The following AK5 variants were observed in gnomAD, a reference collection of about 807,000 sequenced individuals.
AK5 encodes the protein adenylate kinase 5, also known as adenylate kinase isoenzyme 5.
Under a neutral mutation model 69.5 loss-of-function variants are expected in AK5, and 27 were observed. The ratio of observed to expected loss-of-function variants is 0.39; its 90% CI spans 0.29 to 0.54. The LOEUF is 0.54. Ranked by LOEUF, AK5 falls within the 20% of genes least tolerant of loss-of-function variation. The pLI is 0.71. For synonymous variants in AK5, 260 were observed against 244.4 expected (o/e 1.06, Z -0.60); for missense variants, 531 against 700.4 (o/e 0.76, Z 2.73).
chr1:77,352,061 C>T (rs1458302574), intron 6 of AK5, among the ~76,000 whole-genome samples: 2 of 151,842 alleles, frequency 1.3e-5, no homozygotes, highest in Non-Finnish European at 2.9e-5. Flanking sequence ...TCCCAAGTAG[C>T]TGGCATTACA....
At chr1:77,350,566 C>T (rs1313042837) in intron 6 of AK5, among the ~76,000 whole-genome samples, 2 of 152,078 alleles carry the variant, frequency 1.3e-5, no homozygotes, top group East Asian at 1.9e-4. Context: ...CTGGAAGAGG[C>T]GTGACAAGGG....
At chr1:77,467,319 A>G (rs1336906693) in intron 8 of AK5, among the ~76,000 whole-genome samples, 1 of 152,174 alleles carries the variant, frequency 6.6e-6, no homozygotes, top group African/African-American at 2.4e-5. Flanking sequence ...GGTTTCTGTG[A>G]ACAGACTCAC....
intron 5 of AK5, chr1:77,313,796 A>G: frequency 1.9e-6 from 1 of 532,076 alleles, no homozygotes. Flanking sequence ...CTTTTTCAGT[A>G]CAGCCTACGC....
intron 8 of AK5, among the ~76,000 whole-genome samples, chr1:77,434,664 T>C (rs1651850342): frequency 6.6e-6 from 1 of 152,074 alleles, no homozygotes; most frequent in Admixed American, 6.5e-5. Flanking sequence ...ATAAAGACAA[T>C]GTGAAGCACA....
Position 77,420,893 on chromosome 1 carries a change from T to A in AK5, c.1059+3178T>A, listed in dbSNP as rs2351031. On this transcript the variant is annotated intron_variant, in intron 8 of 13. Coordinates refer to ENST00000354567, the MANE Select transcript of AK5 (RefSeq NM_174858.3). The stretch of plus-strand genomic sequence containing the variant: ...TTAGGCTTTGTGGGCCCGTATGTTA[T>A]CTGTTGCAACTACTCAAACTCTGCC... Among the ~76,000 whole-genome samples, 548 of 152,296 alleles carry A rather than the reference T, an allele frequency of 3.6e-3. 4 individuals carry two copies. The highest frequency in any genetic ancestry group is 0.013 in the African/African-American group (521 of 41,546).
intron 3 of AK5, among the ~76,000 whole-genome samples, chr1:77,294,837 G>A (rs916432437): frequency 1.3e-5 from 2 of 152,058 alleles, no homozygotes; most frequent in Non-Finnish European, 2.9e-5. Flanking sequence ...AGACCAGCCT[G>A]GTCAACATAG....
At chr1:77,335,117 GACAGTTAAGA>G (rs1661281373) in intron 5 of AK5, among the ~76,000 whole-genome samples, 1 of 152,138 alleles carries the variant, frequency 6.6e-6, no homozygotes, top group Non-Finnish European at 1.5e-5. Context: ...CAAAAGTACT[GACAGTTAAGA>G]ACAAGGAGCA....
intron 8 of AK5, among the ~76,000 whole-genome samples, chr1:77,446,935 T>C (rs746774126): frequency 5.9e-4 from 90 of 152,186 alleles, no homozygotes; most frequent in Non-Finnish European, 3.2e-4. Flanking sequence ...GCAAGTCCTA[T>C]GAGGATCAGC....
intron 11 of AK5, among the ~76,000 whole-genome samples, chr1:77,519,759 GAGTGTAGC>G (rs1194189032): frequency 1.4e-5 from 2 of 147,400 alleles, no homozygotes; most frequent in Non-Finnish European, 3.0e-5. Context: ...GCGCTGATGG[GAGTGTAGC>G]AGTGATGACA....
chr1:77,335,140 A>G (rs1661282595), intron 5 of AK5, among the ~76,000 whole-genome samples: 2 of 152,346 alleles, frequency 1.3e-5, no homozygotes, highest in Non-Finnish European at 1.5e-5. Context: ...AAGGAGCATT[A>G]AAATGAGCTC....
At chr1:77,359,821 T>C (rs973886964) in intron 6 of AK5, among the ~76,000 whole-genome samples, 1 of 152,234 alleles carries the variant, frequency 6.6e-6, no homozygotes, top group Non-Finnish European at 1.5e-5. Flanking sequence ...TCAAATACAA[T>C]GGCAGTGTTT....
intron 6 of AK5, among the ~76,000 whole-genome samples, chr1:77,355,515 C>T (rs1006913658): frequency 6.6e-6 from 1 of 152,090 alleles, no homozygotes; most frequent in African/African-American, 2.4e-5. Context: ...GGACTTTTCC[C>T]TCTCCCTGCA....
In AK5 at chr1:77,338,628, C is replaced by A. The variant is rs1054566869; in HGVS notation, c.700-1749C>A. On this transcript the variant is annotated intron_variant, in intron 5 of 13. Transcript: ENST00000354567. ...TGGAAGGGCACTGAAAGAGTGAGAA[C>A]CTGGAGAGGGAAGAGTATGATCTAA... Among the ~76,000 whole-genome samples the A allele has an allele frequency of 1.4e-4, 21 of 152,052 alleles. 1 individual carries two copies. The highest frequency in any genetic ancestry group is 2.9e-5 in the Non-Finnish European group (2 of 68,002).
At chr1:77,296,360 G>T (rs1471638076) in intron 3 of AK5, among the ~76,000 whole-genome samples, 4 of 152,072 alleles carry the variant, frequency 2.6e-5, no homozygotes, top group Non-Finnish European at 5.9e-5. Context: ...GCCCATTCTG[G>T]CTTTAGACAG....
At chr1:77,541,380 T>C (rs1393153684) in intron 13 of AK5, among the ~76,000 whole-genome samples, 1 of 152,118 alleles carries the variant, frequency 6.6e-6, no homozygotes, top group African/African-American at 2.4e-5. Flanking sequence ...ACCAAGATAG[T>C]GCCACTGCAC....
At chr1:77,347,384 T>G (rs1301633144) in intron 6 of AK5, among the ~76,000 whole-genome samples, 3 of 152,196 alleles carry the variant, frequency 2.0e-5, no homozygotes, top group Non-Finnish European at 4.4e-5. Flanking sequence ...CAAGCACTTA[T>G]CAAATCTTAA....
intron 8 of AK5, among the ~76,000 whole-genome samples, chr1:77,424,230 T>C (rs1401483856): frequency 6.6e-6 from 1 of 152,196 alleles, no homozygotes; most frequent in African/African-American, 2.4e-5. Flanking sequence ...CAGTCATATA[T>C]AGCAGGAATG....
chr1:77,405,705 C>G (rs1410063997), intron 6 of AK5, among the ~76,000 whole-genome samples: 2 of 152,092 alleles, frequency 1.3e-5, no homozygotes, highest in African/African-American at 4.8e-5. Flanking sequence ...CCAACTCCCC[C>G]TAGGAAAACT....
At chr1:77,325,165 T>G (rs553195626) in intron 5 of AK5, among the ~76,000 whole-genome samples, 29 of 147,120 alleles carry the variant, frequency 2.0e-4, no homozygotes, top group South Asian at 4.4e-4. Flanking sequence ...TTTTTTGTTT[T>G]TTTTTTTTTT....
Sources: allele counts gnomAD v4.1 joint callset (sites outside exome capture counted in the v4.1 genomes callset), GRCh38; gene constraint gnomAD v4.1.1; transcripts MANE v1.5; gene names NCBI Gene and HGNC (gene_info 2026-07-23, HGNC 2026-07-21).